TBC1D5: variants seen among roughly 807,000 people sequenced by gnomAD.
TBC1D5 encodes TBC1 domain family member 5, also known as TBC1 domain family, member 5.
TBC1D5 carries 75 observed loss-of-function variants against 100.3 expected under a neutral mutation model. The observed-to-expected ratio is 0.75, with a 90% CI of 0.62 to 0.91. The LOEUF (loss-of-function observed/expected upper bound fraction) is 0.91, where lower values mean the gene tolerates loss of function less well. TBC1D5 is among the 40% of genes least tolerant of loss of function. TBC1D5 has a pLI of 0.00. For missense variants in TBC1D5, 910 were observed against 942.4 expected, an observed-to-expected ratio of 0.97 and a Z score of 0.45; for synonymous variants, 323 against 325.6, an observed-to-expected ratio of 0.99 and a Z score of 0.09.
chr3:17,457,783 A>G lies in TBC1D5; in HGVS notation c.98-29264T>C, dbSNP rs2095121724. ...ATTGTCATCAGATGTATGACAGTAA[A>G]GACTAAAACAGTTTTCATTGCTTGG... On this transcript the variant is annotated intron_variant, in intron 3 of 21. Transcript: ENST00000253692. Among the ~76,000 whole-genome samples, 3 of 152,240 alleles carry G rather than the reference A, an allele frequency of 2.0e-5. No homozygotes were observed. In the South Asian group the frequency reaches 6.2e-4, roughly 32 times the overall value.
chr3:17,532,068 G>A (rs1324913124), intron 2 of TBC1D5, among the ~76,000 whole-genome samples: 4 of 151,936 alleles, frequency 2.6e-5, no homozygotes, highest in Admixed American at 2.0e-4. Context: ...ATGGGAGAAC[G>A]TTTTTGCAAT....
chr3:17,239,245 G>A (rs371488208), intron 16 of TBC1D5, among the ~76,000 whole-genome samples: 3 of 152,122 alleles, frequency 2.0e-5, no homozygotes, highest in East Asian at 1.9e-4. Flanking sequence ...CCCATAGTCC[G>A]TCTTTTCACC....
intron 15 of TBC1D5, among the ~76,000 whole-genome samples, chr3:17,260,393 G>A (rs2078167601): frequency 1.3e-5 from 2 of 152,144 alleles, no homozygotes; most frequent in Admixed American, 1.3e-4. Context: ...GACACAGAGT[G>A]CTGATCTATC....
intron 15 of TBC1D5, among the ~76,000 whole-genome samples, chr3:17,261,488 G>T (rs577970655): frequency 2.0e-5 from 3 of 151,492 alleles, no homozygotes; most frequent in South Asian, 2.1e-4. Flanking sequence ...GTGGGGTGGG[G>T]GGGGAGACAG....
chr3:17,508,615 G>A lies in TBC1D5; in HGVS notation c.-35-10C>T. On this transcript the variant is annotated splice_polypyrimidine_tract_variant and intron_variant, in intron 2 of 21. Coordinates refer to ENST00000253692, the Ensembl canonical transcript of TBC1D5. ...CACCAAAAGTAACTACCTGGGAGGT[G>A]AAAAAATACAGAGAAAAATAATAAA... 7.6e-7 allele frequency: 1 copy of A among 1,309,286 alleles called. No individual in the cohort carries two copies. Among genetic ancestry groups the A allele is most frequent in the Non-Finnish European group, 1.1e-6 (1 of 906,798 alleles). 81.1% of individuals were successfully genotyped at this position (1,309,286 alleles called of 1,614,324 possible).
intron 1 of TBC1D5, among the ~76,000 whole-genome samples, chr3:17,671,794 CTT>C: frequency 6.6e-6 from 1 of 152,316 alleles, no homozygotes; most frequent in East Asian, 1.9e-4. Flanking sequence ...TTAAGCTAGT[CTT>C]GTCTCATTAA....
intron 8 of TBC1D5, among the ~76,000 whole-genome samples, chr3:17,389,780 G>T (rs1306483594): frequency 6.6e-6 from 1 of 152,050 alleles, no homozygotes; most frequent in Non-Finnish European, 1.5e-5. Flanking sequence ...GTGGTAAGTT[G>T]GTGTTGTGTA....
At chr3:17,629,961 C>T (rs190412072) in intron 1 of TBC1D5, among the ~76,000 whole-genome samples, 1 of 152,106 alleles carries the variant, frequency 6.6e-6, no homozygotes, top group African/African-American at 2.4e-5. Flanking sequence ...AAAACTAATA[C>T]ATGAGGGCTA....
At chr3:17,340,321 T>C (rs1029286400) in intron 13 of TBC1D5, among the ~76,000 whole-genome samples, 1 of 152,218 alleles carries the variant, frequency 6.6e-6, no homozygotes, top group Non-Finnish European at 1.5e-5. Flanking sequence ...TCTATGTTCC[T>C]GAGGTATAAC....
At chr3:17,346,338 T>C (rs1370027154) in intron 13 of TBC1D5, among the ~76,000 whole-genome samples, 4 of 152,154 alleles carry the variant, frequency 2.6e-5, no homozygotes, top group Non-Finnish European at 4.4e-5. Context: ...TTAATTAGCA[T>C]GGTTTTGATT....
chr3:17,514,169 C>T (rs970723651), intron 2 of TBC1D5, among the ~76,000 whole-genome samples: 2 of 152,136 alleles, frequency 1.3e-5, no homozygotes, highest in Non-Finnish European at 2.9e-5. Flanking sequence ...AATCAATCAT[C>T]TGAAAGTCTT....
chr3:17,638,329 C>T (rs762660165), intron 1 of TBC1D5, among the ~76,000 whole-genome samples: 10 of 151,986 alleles, frequency 6.6e-5, no homozygotes, highest in South Asian at 4.2e-4. Flanking sequence ...CATCTCCCTC[C>T]AATCCCCCTT....
intron 2 of TBC1D5, among the ~76,000 whole-genome samples, chr3:17,544,266 T>C (rs2096390258): frequency 6.6e-6 from 1 of 152,176 alleles, no homozygotes; most frequent in Non-Finnish European, 1.5e-5. Flanking sequence ...AGACTATCTA[T>C]TCAAAATTGT....
chr3:17,680,172 A>C (rs1007297310), intron 1 of TBC1D5, among the ~76,000 whole-genome samples: 13 of 150,518 alleles, frequency 8.6e-5, no homozygotes, highest in Non-Finnish European at 1.6e-4. Context: ...ATTTTTTGGT[A>C]CTCTGTACTG....
rs1178692370 is a variant in TBC1D5, at chr3:17,292,125, A to T, written c.1139-124T>A. 7 of 790,158 alleles carry T rather than the reference A, an allele frequency of 8.9e-6. No individual in the cohort carries two copies. In the East Asian group the frequency reaches 2.0e-4, roughly 22 times the overall value. 48.9% of individuals were successfully genotyped at this position (790,158 alleles called of 1,614,324 possible). The stretch of plus-strand genomic sequence containing the variant: ...AACCAATAACTCAACTGATTTGATA[A>T]AAGGGAGTAGGAAGAAGGGATCTTT... On this transcript the variant is annotated intron_variant, in intron 14 of 21. Coordinates refer to ENST00000253692, the Ensembl canonical transcript of TBC1D5.
At chr3:17,177,778 GTA>G (rs967176711) in intron 19 of TBC1D5, among the ~76,000 whole-genome samples, 4 of 152,060 alleles carry the variant, frequency 2.6e-5, no homozygotes, top group African/African-American at 7.2e-5. Context: ...CTTAGTAGGT[GTA>G]TATATTTTTG....
At chr3:17,212,822 CTAAG>C (rs1337337269) in intron 18 of TBC1D5, among the ~76,000 whole-genome samples, 8 of 151,786 alleles carry the variant, frequency 5.3e-5, no homozygotes, top group African/African-American at 1.9e-4. Flanking sequence ...TTGTTTTGAG[CTAAG>C]TGTTATTACA....
intron 2 of TBC1D5, among the ~76,000 whole-genome samples, chr3:17,534,274 T>G (rs754564939): frequency 1.4e-4 from 22 of 152,154 alleles, no homozygotes; most frequent in Non-Finnish European, 2.4e-4. Context: ...AATCTTAAAC[T>G]ATGCAAAATA....
chr3:17,212,303 C>T (rs934949777), intron 18 of TBC1D5, among the ~76,000 whole-genome samples: 5 of 152,098 alleles, frequency 3.3e-5, no homozygotes, highest in African/African-American at 1.2e-4. Context: ...TGGCTAGTGA[C>T]ATCATAGCTG....
Sources: allele counts gnomAD v4.1 joint callset (sites outside exome capture counted in the v4.1 genomes callset), GRCh38; gene constraint gnomAD v4.1.1; transcripts MANE v1.5; gene names NCBI Gene and HGNC (gene_info 2026-07-23, HGNC 2026-07-21).